The following DUS3L variants were observed in gnomAD, a reference collection of about 807,000 sequenced individuals.
DUS3L encodes the protein tRNA-dihydrouridine(47) synthase [NAD(P)(+)]-like.
Under a neutral mutation model 74.6 loss-of-function variants are expected in DUS3L, and 62 were observed. The observed-to-expected ratio is 0.83, with a 90% confidence interval of 0.68 to 1.03. The LOEUF is 1.03. Ranked by LOEUF, DUS3L falls within the 50% of genes least tolerant of loss-of-function variation. The pLI is 0.00. For missense variants in DUS3L, 884 were observed against 924.4 expected, an observed-to-expected ratio of 0.96 and a Z score of 0.57; for synonymous variants, 433 against 395.7, an observed-to-expected ratio of 1.09 and a Z score of -1.12.
intron 3 of DUS3L, 189 bp downstream of exon 3, chr19:5,789,018 T>C (rs2056882399): frequency 1.3e-6 from 1 of 776,754 alleles, no homozygotes; most frequent in Non-Finnish European, 1.8e-6. Flanking sequence ...TGTCCAGCTC[T>C]TTCTGTCCCC....
In DUS3L at chr19:5,787,548, G is replaced by C. The variant is rs777327924; in HGVS notation, c.1212+41C>G. ...TCGCCGGCTGGGTCAGTGCCTCCCTGCCCAGATGGGGAAACCGAGGCACAC... is the reference window on the plus strand; with the variant it reads ...TCGCCGGCTGGGTCAGTGCCTCCCTCCCCAGATGGGGAAACCGAGGCACAC... On this transcript the variant is annotated intron_variant, in intron 6 of 12. Coordinates refer to ENST00000309061, the MANE Select transcript of DUS3L (RefSeq NM_020175.3). 3 of 1,600,146 alleles carry C rather than the reference G, an allele frequency of 1.9e-6. No homozygotes were observed. In the African/African-American group the frequency reaches 4.0e-5, roughly 21 times the overall value.
rs2056901989 is a variant in DUS3L, at chr19:5,790,738, TGG to T, written c.98+304_98+305del. Reference sequence around the variant, plus strand: ...CCCAAGACCCGCCAGTAACGGCCGCTGGCAGAGCACATGCGCCGTACGTCCAT... The same window carrying T: ...CCCAAGACCCGCCAGTAACGGCCGCTCAGAGCACATGCGCCGTACGTCCAT... On this transcript the variant is annotated intron_variant, in intron 1 of 12. Coordinates refer to ENST00000309061, the MANE Select transcript of DUS3L (RefSeq NM_020175.3). 4 of 557,440 alleles carry T rather than the reference TGG, an allele frequency of 7.2e-6. No homozygotes were observed. The African/African-American group carries it at 7.5e-5, about 11-fold the overall frequency. 34.5% of individuals were successfully genotyped at this position (557,440 alleles called of 1,614,324 possible).
intron 5 of DUS3L, 144 bp downstream of exon 5, chr19:5,787,880 C>A: frequency 6.9e-7 from 1 of 1,451,686 alleles, no homozygotes; most frequent in Non-Finnish European, 9.3e-7. Flanking sequence ...GCCATCAGCC[C>A]CCAGAGGTGG....
chr19:5,786,743 ACCCACCGAACAG>A lies in DUS3L; in HGVS notation c.1480_1486+5del. Reference sequence around the variant, plus strand: ...GGAGAGGGAGGTGGCTTCCCGGAACACCCACCGAACAGGGGCATGGGGCTGGCGGCCTGCACG... The same window carrying A: ...GGAGAGGGAGGTGGCTTCCCGGAACAGGGCATGGGGCTGGCGGCCTGCACG... On this transcript the variant is annotated splice_donor_variant and splice_donor_5th_base_variant and coding_sequence_variant and intron_variant, in exon 9 of 13. Transcript: ENST00000309061. LOFTEE classifies it high-confidence loss of function. 6.2e-7 allele frequency: 1 copy of A among 1,610,298 alleles called. No homozygotes were observed. Among genetic ancestry groups the A allele is most frequent in the East Asian group, 2.2e-5 (1 of 44,804 alleles).
intron 1 of DUS3L, chr19:5,790,765 T>G (rs749429725): frequency 4.7e-5 from 27 of 574,986 alleles, no homozygotes; most frequent in Non-Finnish European, 7.7e-5. Context: ...CGTACGTCCA[T>G]ATGCAGGGAC....
At chr19:5,787,465 A>T in intron 6 of DUS3L, 104 bp from the exon 7 acceptor site, 1 of 1,511,750 alleles carries the variant, frequency 6.6e-7, no homozygotes, top group South Asian at 1.1e-5. Context: ...GACCTGCAGG[A>T]AAGGCAGGGA....
chr19:5,788,498 C>T (rs2056877334), intron 3 of DUS3L, 100 bp from the exon 4 acceptor site: 1 of 1,401,090 alleles, frequency 7.1e-7, no homozygotes, highest in Non-Finnish European at 9.8e-7. Flanking sequence ...CACACTTGGC[C>T]CAAATGGTCT....
Position 5,790,230 on chromosome 19 carries a change from AG to A in DUS3L, c.203del (p.Ala68ValfsTer46). The A allele has an allele frequency of 1.2e-6, 2 of 1,614,180 alleles. No individual in the cohort carries two copies. The highest frequency in any genetic ancestry group is 1.7e-6 in the Non-Finnish European group (2 of 1,180,022). On this transcript the variant is annotated frameshift_variant, in exon 2 of 13. Coordinates refer to ENST00000309061, the MANE Select transcript of DUS3L (RefSeq NM_020175.3). LOFTEE classifies it high-confidence loss of function. ...EVGDPAGNELAEPEAKRIRLE... is the reference protein window; with the variant it reads ...EVGDPAGNELXEPEAKRIRLE... ...GTCGGATCCGCTTAGCCTCAGGCTC[AG>A]CCAGCTCATTGCCAGCAGGGTCTCC...
rs752389825 is a variant in DUS3L at position 5,785,639 on chromosome 19, C to T, written c.1715G>A (p.Arg572Gln). 59 of 1,611,094 alleles carry T rather than the reference C, an allele frequency of 3.7e-5. No homozygotes were observed. Among genetic ancestry groups the T allele is most frequent in the Admixed American group, 3.0e-4 (18 of 59,708 alleles). Residue 572 changes from arginine to glutamine, a missense_variant, in exon 11 of 13, where the codon CGG becomes CAG. By Grantham distance (43) the Arg-to-Gln change is conservative. Transcript: ENST00000309061. ...GGACAGCCACTCGAGCAGAAAGCGC[C>T]GGGTCTTCTCCACGCCCTGCGTGTC... Reference protein sequence around the residue: ...GSDTQGVEKTRRFLLEWLSFL... With the variant: ...GSDTQGVEKTQRFLLEWLSFL...
At chr19:5,787,525 G>T (rs1013120926) in intron 6 of DUS3L, 64 bp downstream of exon 6, 15 of 1,570,046 alleles carry the variant, frequency 9.6e-6, no homozygotes, top group Non-Finnish European at 1.1e-5. Context: ...CCGAGACATC[G>T]CCGGCTGGGT....
intron 10 of DUS3L, among the ~76,000 whole-genome samples, 156 bp downstream of exon 10, chr19:5,786,311 C>T (rs959293533): frequency 2.6e-5 from 4 of 152,202 alleles, no homozygotes; most frequent in South Asian, 4.1e-4. Flanking sequence ...CCAGTCCCCT[C>T]TGCCGCAACG....
At chr19:5,785,974 G>C (rs2056837953) in intron 10 of DUS3L, 183 bp from the exon 11 acceptor site, 4 of 678,458 alleles carry the variant, frequency 5.9e-6, no homozygotes, top group Non-Finnish European at 9.4e-6. Context: ...TTCTGAGACG[G>C]AGTCTGGCTC....
In DUS3L at chr19:5,786,484, G is replaced by C. The variant is rs200348981; in HGVS notation, c.1545C>G (p.Thr515=). 8 of 1,612,844 alleles carry C rather than the reference G, an allele frequency of 5.0e-6. No homozygotes were observed. The highest frequency in any genetic ancestry group is 3.3e-5 in the Admixed American group (2 of 59,970). The change falls in exon 10 of 13, where the codon ACC becomes ACG. Residue 515 remains threonine, a synonymous_variant. Transcript: ENST00000309061. The part of the protein sequence containing the change: ...DANRAMQTGV[T]GIMIARGALL... ...GCACTTACCGGGCAATCATGATCCC[G>C]GTGACACCAGTCTGCATGGCGCGGT...
In DUS3L at chr19:5,787,291, C is replaced by T. The variant is rs200144384; in HGVS notation, c.1278+5G>A. The T allele has an allele frequency of 1.3e-5, 13 of 1,024,986 alleles. No individual in the cohort carries two copies. Among genetic ancestry groups the T allele is most frequent in the East Asian group, 2.1e-4 (2 of 9,386 alleles). The allele number at this position is 1,024,986 out of a possible 1,614,324, so 63.5% of individuals were successfully genotyped here. The stretch of plus-strand genomic sequence containing the variant: ...GAGCCAGTGCGAGGATGTGGCTGGC[C>T]GTACCTGGTTCATGCCACGGACGAT... On this transcript the variant is annotated splice_donor_5th_base_variant and intron_variant, in intron 7 of 12. Coordinates refer to ENST00000309061, the MANE Select transcript of DUS3L (RefSeq NM_020175.3).
At chr19:5,787,255 G>C (rs765640448) in intron 7 of DUS3L, 41 bp downstream of exon 7, 8 of 1,595,894 alleles carry the variant, frequency 5.0e-6, no homozygotes, top group Middle Eastern at 3.4e-4. Context: ...GGGCCCGGGG[G>C]AGTTGTTTGG....
chr19:5,786,931 A>G, intron 8 of DUS3L, 86 bp from the exon 9 acceptor site: 1 of 1,504,374 alleles, frequency 6.6e-7, no homozygotes, highest in Non-Finnish European at 8.9e-7. Context: ...TGAGAGAGAC[A>G]GAGAGAGACA....
In DUS3L at chr19:5,787,105, G is replaced by A. The variant is rs766157430; in HGVS notation, c.1345C>T (p.Arg449Cys). ...CAGTCCCGCAGCTCGGGCAGCAGGCGGTGCGCCAGGTTCACACGCTCCTGG... is the reference window on the plus strand; with the variant it reads ...CAGTCCCGCAGCTCGGGCAGCAGGCAGTGCGCCAGGTTCACACGCTCCTGG... ...GVQERVNLAH[R>C]LLPELRDWGV... The change falls in exon 8 of 13, where the codon CGC becomes TGC. Residue 449 changes from arginine (R) to cysteine (C), a missense_variant. Physicochemically the swap from Arg to Cys is radical, Grantham distance 180 (BLOSUM62 -3). Coordinates refer to ENST00000309061, the MANE Select transcript of DUS3L (RefSeq NM_020175.3). The A allele has an allele frequency of 1.9e-5, 24 of 1,266,650 alleles. No individual in the cohort carries two copies. The highest frequency in any genetic ancestry group is 4.3e-5 in the South Asian group (3 of 69,080). The allele number at this position is 1,266,650 out of a possible 1,614,324, so 78.5% of individuals were successfully genotyped here.
At chr19:5,788,273 G>C in intron 4 of DUS3L, 84 bp downstream of exon 4, 1 of 1,610,564 alleles carries the variant, frequency 6.2e-7, no homozygotes, top group East Asian at 2.2e-5. Flanking sequence ...CCACAATCCA[G>C]TAGGTGGGGA....
chr19:5,789,849 C>G (rs1456773168), intron 2 of DUS3L, 130 bp from the exon 3 acceptor site: 1 of 1,332,306 alleles, frequency 7.5e-7, no homozygotes, highest in Non-Finnish European at 1.0e-6. Flanking sequence ...CTCACCGTGC[C>G]TCTGCATCTC....
Sources: allele counts gnomAD v4.1 joint callset (sites outside exome capture counted in the v4.1 genomes callset), GRCh38; gene constraint gnomAD v4.1.1; transcripts MANE v1.5; gene names NCBI Gene and HGNC (gene_info 2026-07-23, HGNC 2026-07-21).